Variants in UBAP2 observed in about 807,000 individuals in gnomAD.
UBAP2 encodes ubiquitin associated protein 2.
Under a neutral mutation model 139.6 loss-of-function variants are expected in UBAP2, and 75 were observed. The ratio of observed to expected loss-of-function variants is 0.54; its 90% CI spans 0.45 to 0.65. UBAP2 has a LOEUF of 0.65. Among genes scored for constraint, UBAP2 ranks in the 30% least tolerant of loss-of-function variants. The probability of loss-of-function intolerance (pLI) is 0.00; values close to 1 mark genes in which losing one functional copy is unlikely to be tolerated. For synonymous variants in UBAP2, 526 were observed against 526.2 expected, an observed-to-expected ratio of 1.00 and a Z score of 0.01; for missense variants, 1,368 against 1,369.6, an observed-to-expected ratio of 1.00 and a Z score of 0.02.
intron 1 of UBAP2, among the ~76,000 whole-genome samples, chr9:34,022,724 CA>C (rs969880734): frequency 1.3e-5 from 2 of 152,120 alleles, no homozygotes; most frequent in African/African-American, 4.8e-5. Context: ...AGGTGTGAGC[CA>C]TCATGCCCAG....
intron 1 of UBAP2, among the ~76,000 whole-genome samples, chr9:34,036,115 TTTC>T (rs1311744298): frequency 2.6e-5 from 4 of 151,922 alleles, no homozygotes; most frequent in Non-Finnish European, 5.9e-5. Context: ...TTGATACTTT[TTTC>T]TTTTTTTTTT....
chr9:33,922,306 C>T lies in UBAP2; in HGVS notation c.*198G>A, dbSNP rs959149077. ...CTGCCGCCATCCCCCAACTCCCCCC[C>T]AGACTTCTATCACATTTACAAATAC... On this transcript the variant is annotated 3_prime_UTR_variant, in exon 29 of 29. Transcript: ENST00000379238. 24 of 595,582 alleles carry T rather than the reference C, an allele frequency of 4.0e-5. No homozygotes were observed. The highest frequency in any genetic ancestry group is 9.0e-4 in the Middle Eastern group (2 of 2,220). The allele number at this position is 595,582 out of a possible 1,614,324, so 36.9% of individuals were successfully genotyped here.
At chr9:33,936,423 A>G (rs540523139) in intron 16 of UBAP2, among the ~76,000 whole-genome samples, 52 of 152,076 alleles carry the variant, frequency 3.4e-4, no homozygotes, top group Non-Finnish European at 5.1e-4. Flanking sequence ...CCTCCCAAGT[A>G]GCTGGGATTA....
chr9:33,995,067 T>C (rs374661162), intron 4 of UBAP2: 1 of 152,056 alleles, frequency 6.6e-6, no homozygotes, highest in Non-Finnish European at 1.5e-5. Context: ...TTAAGAAACA[T>C]AAACACAGGT....
intron 1 of UBAP2, among the ~76,000 whole-genome samples, chr9:34,047,024 C>T (rs1827666361): frequency 6.6e-6 from 1 of 152,106 alleles, no homozygotes; most frequent in African/African-American, 2.4e-5. Context: ...CAGAGGAAAC[C>T]AGAGCAGCAG....
chr9:33,928,074 C>T, intron 19 of UBAP2, 82 bp from the exon 20 acceptor site: 1 of 1,448,252 alleles, frequency 6.9e-7, no homozygotes, highest in Non-Finnish European at 9.3e-7. Flanking sequence ...GCGCTTGGGC[C>T]CAAGTCTCAA....
At chr9:34,019,253 A>T (rs1824680667) in intron 1 of UBAP2, among the ~76,000 whole-genome samples, 1 of 152,078 alleles carries the variant, frequency 6.6e-6, no homozygotes, top group South Asian at 2.1e-4. Flanking sequence ...AAATACAAAA[A>T]TTAGCCAGGC....
intron 22 of UBAP2, 124 bp downstream of exon 22, chr9:33,926,493 G>A: frequency 1.9e-6 from 2 of 1,035,652 alleles, no homozygotes; most frequent in Non-Finnish European, 3.0e-6. Context: ...CTCAGTAGTG[G>A]TGCTGAGAGG....
chr9:33,941,194 T>C (rs1488133812), intron 16 of UBAP2, among the ~76,000 whole-genome samples: 3 of 152,222 alleles, frequency 2.0e-5, no homozygotes, highest in Admixed American at 6.5e-5. Context: ...TTTAAAACTA[T>C]ATCAAAAATA....
rs570240692 is a variant in UBAP2 at position 33,947,275 on chromosome 9, T to C, written c.1270+1099A>G. Among the ~76,000 whole-genome samples the C allele has an allele frequency of 5.3e-5, 8 of 152,268 alleles. No homozygotes were observed. The East Asian group carries it at 1.4e-3, about 26-fold the overall frequency. ...TGCTTCCCTGTCTCTCTATATGCCC[T>C]AACCATAAACCAGCCCACATGGCCA... On this transcript the variant is annotated intron_variant, in intron 13 of 28. Coordinates refer to ENST00000379238, the MANE Select transcript of UBAP2 (RefSeq NM_001370062.2).
chr9:33,989,203 CTT>C (rs34957423), intron 4 of UBAP2, 77 bp from the exon 5 acceptor site: 242,514 of 1,168,006 alleles, frequency 0.21, 4,235 homozygotes, highest in East Asian at 0.4. Context: ...ATGTATCTTT[CTT>C]TTTTTTTTTT....
In UBAP2 at chr9:34,030,481, G is replaced by A. The variant is rs116413805; in HGVS notation, c.-41-13292C>T. Among the ~76,000 whole-genome samples the A allele has an allele frequency of 8.3e-3, 1,255 of 151,872 alleles. 13 individuals carry two copies. Among genetic ancestry groups the A allele is most frequent in the African/African-American group, 0.028 (1,151 of 41,432 alleles). On this transcript the variant is annotated intron_variant, in intron 1 of 28. Coordinates refer to ENST00000379238, the MANE Select transcript of UBAP2 (RefSeq NM_001370062.2). ...AACAAACAAACAAAAAAACTGGCCC[G>A]GTATGACAGAGCACACCTGTGGTCC...
intron 6 of UBAP2, among the ~76,000 whole-genome samples, chr9:33,977,687 G>C (rs1353746230): frequency 6.6e-6 from 1 of 151,550 alleles, no homozygotes; most frequent in Non-Finnish European, 1.5e-5. Context: ...TTTTGAGACA[G>C]AGTTTTGCTC....
chr9:34,039,292 G>A (rs1464566026), intron 1 of UBAP2, among the ~76,000 whole-genome samples: 3 of 143,210 alleles, frequency 2.1e-5, no homozygotes, highest in Admixed American at 6.9e-5. Flanking sequence ...GCCTCTGCCC[G>A]GCCACCCCTT....
intron 6 of UBAP2, among the ~76,000 whole-genome samples, chr9:33,973,680 A>G (rs925568226): frequency 2.6e-5 from 4 of 152,232 alleles, no homozygotes; most frequent in African/African-American, 9.6e-5. Flanking sequence ...CAAGCATGAG[A>G]ACAAGCAAGC....
intron 22 of UBAP2, among the ~76,000 whole-genome samples, chr9:33,925,401 CAG>C (rs1162581863): frequency 6.6e-6 from 1 of 152,162 alleles, no homozygotes; most frequent in Non-Finnish European, 1.5e-5. Flanking sequence ...TCACAAGCAG[CAG>C]AGGTGAACAA....
chr9:33,943,820 A>T (rs548920788), intron 14 of UBAP2, among the ~76,000 whole-genome samples: 11 of 152,190 alleles, frequency 7.2e-5, no homozygotes, highest in African/African-American at 9.7e-5. Context: ...TAATCCCAGG[A>T]CTTTGGGAGG....
At chr9:33,923,738 T>G in intron 24 of UBAP2, 57 bp downstream of exon 24, 1 of 1,565,686 alleles carries the variant, frequency 6.4e-7, no homozygotes, top group Admixed American at 1.7e-5. Context: ...GTCCCAGGTT[T>G]CCACCTGCCA....
Position 33,944,437 on chromosome 9 carries a change from G to T in UBAP2, c.1473C>A (p.Ile491=), listed in dbSNP as rs765278166. ...LQLPSTTIEN[I]SVSVHQPQPK... ...GCTGTGGCTGGTGGACAGACACAGAGATATTTTCAATGGTCGTGCTGGGAA... is the reference window on the plus strand; with the variant it reads ...GCTGTGGCTGGTGGACAGACACAGATATATTTTCAATGGTCGTGCTGGGAA... Residue 491 remains isoleucine (I), a synonymous_variant, in exon 14 of 29, where the codon ATC becomes ATA. Transcript: ENST00000379238. The T allele has an allele frequency of 6.2e-7, 1 of 1,614,132 alleles. No homozygotes were observed. Among genetic ancestry groups the T allele is most frequent in the South Asian group, 1.1e-5 (1 of 91,080 alleles).
Sources: allele counts gnomAD v4.1 joint callset (sites outside exome capture counted in the v4.1 genomes callset), GRCh38; gene constraint gnomAD v4.1.1; transcripts MANE v1.5; gene names NCBI Gene and HGNC (gene_info 2026-07-23, HGNC 2026-07-21).